The following DOCK7 variants were observed in gnomAD, a reference collection of about 807,000 sequenced individuals.
The protein encoded by DOCK7 is dedicator of cytokinesis 7.
Under a neutral mutation model 271.0 loss-of-function variants are expected in DOCK7, and 138 were observed. The ratio of observed to expected loss-of-function variants is 0.51; its 90% CI spans 0.44 to 0.59. The LOEUF is 0.59. Ranked by LOEUF, DOCK7 falls within the 20% of genes least tolerant of loss-of-function variation. The probability of loss-of-function intolerance (pLI) is 0.00; values close to 1 mark genes in which losing one functional copy is unlikely to be tolerated. For synonymous variants in DOCK7, 823 were observed against 876.1 expected, an observed-to-expected ratio of 0.94 and a Z score of 1.07; for missense variants, 2,066 against 2,592.4, an observed-to-expected ratio of 0.80 and a Z score of 4.41.
chr1:62,476,248 A>C, intron 44 of DOCK7, 92 bp from the exon 45 acceptor site: 1 of 816,288 alleles, frequency 1.2e-6, no homozygotes, highest in Non-Finnish European at 2.0e-6. Context: ...AAATTAGGAG[A>C]ATTAGTGAGT....
rs572688459 is a variant in DOCK7, at chr1:62,569,871, G to A, written c.2112+7391C>T. Among the ~76,000 whole-genome samples the A allele has an allele frequency of 5.3e-5, 8 of 152,080 alleles. No individual in the cohort carries two copies. In the East Asian group the frequency reaches 9.7e-4, roughly 18 times the overall value. On this transcript the variant is annotated intron_variant, in intron 18 of 49. Transcript: ENST00000635253. ...TGGGATTACAGGCACATGCCACCAC[G>A]TCTGGCTAATTTTTGTATCTTTAGT...
intron 31 of DOCK7, chr1:62,516,934 C>T (rs558192556): frequency 2.6e-5 from 4 of 152,526 alleles, no homozygotes; most frequent in East Asian, 3.9e-4. Flanking sequence ...TATAAGAACA[C>T]ATGTATCTTT....
chr1:62,529,355 TTA>T lies in DOCK7; in HGVS notation c.3701_3702del (p.Ile1234LysfsTer24). 1 of 1,613,874 alleles carries T rather than the reference TTA, an allele frequency of 6.2e-7. No homozygotes were observed. The highest frequency in any genetic ancestry group is 8.5e-7 in the Non-Finnish European group (1 of 1,179,932). On this transcript the variant is annotated frameshift_variant, in exon 30 of 50. Transcript: ENST00000635253. LOFTEE classifies it high-confidence loss of function. ...AGATACAACATGGCCACTCGAGCCTTTATCTGAGGGTCAGAGTACCGCGGGTC... is the reference window on the plus strand; with the variant it reads ...AGATACAACATGGCCACTCGAGCCTTTCTGAGGGTCAGAGTACCGCGGGTC... ...DSDPRYSDPQ[I>X]KARVAMLYLP... is the part of the protein sequence containing the mutation.
intron 1 of DOCK7, among the ~76,000 whole-genome samples, chr1:62,687,920 C>G (rs895128360): frequency 3.3e-5 from 5 of 152,206 alleles, no homozygotes; most frequent in Non-Finnish European, 7.3e-5. Context: ...TTCCATAAAC[C>G]TCCGCAGAAG....
intron 44 of DOCK7, 64 bp from the exon 45 acceptor site, chr1:62,476,220 G>GA: frequency 7.5e-7 from 1 of 1,338,108 alleles, no homozygotes; most frequent in Non-Finnish European, 1.0e-6. Context: ...GAGAAGGCCT[G>GA]AGGGTGACTC....
In DOCK7 at chr1:62,462,617, G is replaced by C. The variant is rs183197799; in HGVS notation, c.6213-4912C>G. On this transcript the variant is annotated intron_variant, in intron 48 of 49. Coordinates refer to ENST00000635253, the MANE Select transcript of DOCK7 (RefSeq NM_001367561.1). ...GAATGCTTTTTAAATAAGTGGTAAT[G>C]AGTCAACTGGATATCTGTAAGGGGA... Among the ~76,000 whole-genome samples, 63 of 152,240 alleles carry C rather than the reference G, an allele frequency of 4.1e-4. No homozygotes were observed. The East Asian group carries it at 0.011, about 27-fold the overall frequency.
At chr1:62,464,961 T>C (rs1368804640) in intron 48 of DOCK7, among the ~76,000 whole-genome samples, 1 of 152,216 alleles carries the variant, frequency 6.6e-6, no homozygotes, top group African/African-American at 2.4e-5. Context: ...ATGAAGATAC[T>C]AGCCTATTTT....
At chr1:62,629,719 C>T (rs1448583627) in intron 11 of DOCK7, 1 of 152,162 alleles carries the variant, frequency 6.6e-6, no homozygotes, top group Non-Finnish European at 1.5e-5. Flanking sequence ...CCTCATTTAA[C>T]ATCATGGATC....
chr1:62,523,025 A>G (rs1644897831), intron 31 of DOCK7, among the ~76,000 whole-genome samples: 2 of 152,162 alleles, frequency 1.3e-5, no homozygotes, highest in East Asian at 3.8e-4. Context: ...GAAACTAAAA[A>G]AGTTTATGTA....
Position 62,455,531 on chromosome 1 carries a change from T to C in DOCK7, c.6381-75A>G, listed in dbSNP as rs766626985. ...ATATACCTTTAAATGTCTTACATGG[T>C]TTTTTCTGCCAGTTACCTTAAAGTT... On this transcript the variant is annotated intron_variant, in intron 49 of 49. Coordinates refer to ENST00000635253, the MANE Select transcript of DOCK7 (RefSeq NM_001367561.1). 1.1e-5 allele frequency: 15 copies of C among 1,403,876 alleles called. No homozygotes were observed. The African/African-American group carries it at 1.6e-4, about 15-fold the overall frequency. 87.0% of individuals were successfully genotyped at this position (1,403,876 alleles called of 1,614,324 possible). A position where few individuals can be genotyped will look rare whatever the true frequency, so the allele number is the denominator to read the frequency against.
chr1:62,596,835 G>C (rs1649327287), intron 14 of DOCK7, among the ~76,000 whole-genome samples: 2 of 152,084 alleles, frequency 1.3e-5, no homozygotes, highest in South Asian at 4.1e-4. Context: ...ATGGTAAAGA[G>C]CCTAGAACAC....
At chr1:62,568,524 C>A (rs1646605150) in intron 18 of DOCK7, among the ~76,000 whole-genome samples, 1 of 140,860 alleles carries the variant, frequency 7.1e-6, no homozygotes, top group Non-Finnish European at 1.5e-5. Context: ...AGGCTGGTCT[C>A]AAACTCCTGA....
Position 62,539,833 on chromosome 1 carries a change from A to G in DOCK7, c.3105T>C (p.Ser1035=), listed in dbSNP as rs1157274574. The G allele has an allele frequency of 3.1e-6, 5 of 1,613,656 alleles. No homozygotes were observed. The highest frequency in any genetic ancestry group is 4.2e-6 in the Non-Finnish European group (5 of 1,179,768). ...CATCCATGAAACGTTCTGGAAAACGACTTTTCCTTGGAGCCTCAAGTTTAT... is the reference window on the plus strand; with the variant it reads ...CATCCATGAAACGTTCTGGAAAACGGCTTTTCCTTGGAGCCTCAAGTTTAT... The part of the protein sequence containing the change: ...FNDKLEAPRK[S]RFPERFMDDI... Residue 1035 remains serine (S), a synonymous_variant, in exon 26 of 50, where the codon AGT becomes AGC. Transcript: ENST00000635253.
At position 62,583,238 on chromosome 1, in the gene DOCK7, G is replaced by T; in HGVS notation, c.1817C>A (p.Ser606Tyr). 1 of 1,613,174 alleles carries T rather than the reference G, an allele frequency of 6.2e-7. No individual in the cohort carries two copies. Among genetic ancestry groups the T allele is most frequent in the African/African-American group, 1.3e-5 (1 of 75,030 alleles). Residue 606 changes from serine to tyrosine, a missense_variant, in exon 16 of 50, where the codon TCT becomes TAT. Physicochemically the swap from Ser to Tyr is moderately radical, Grantham distance 144. Transcript: ENST00000635253. Reference protein sequence around the residue: ...SNAMPVIFGKSSCSEFSKEAY... With the variant: ...SNAMPVIFGKYSCSEFSKEAY... ...TTCCTTTGAAAATTCTGAACAGCTA[G>T]ATTTACCAAAGATTACCTGAAACAA...
intron 14 of DOCK7, chr1:62,604,617 T>A: frequency 1.9e-6 from 3 of 1,612,074 alleles, no homozygotes; most frequent in African/African-American, 1.3e-5. Flanking sequence ...TTAAATTGCA[T>A]ATCTATCTCC....
intron 36 of DOCK7, 59 bp downstream of exon 36, chr1:62,505,623 T>A (rs888225750): frequency 6.5e-7 from 1 of 1,540,254 alleles, no homozygotes; most frequent in African/African-American, 1.4e-5. Flanking sequence ...CAAATGATCT[T>A]AGACAATGTT....
intron 49 of DOCK7, among the ~76,000 whole-genome samples, 185 bp from the exon 50 acceptor site, chr1:62,455,641 G>C (rs1297951126): frequency 6.6e-6 from 1 of 152,172 alleles, no homozygotes; most frequent in Non-Finnish European, 1.5e-5. Context: ...TTTAGCTATA[G>C]AAGTGTATTA....
chr1:62,631,402 T>C lies in DOCK7; in HGVS notation c.1120A>G (p.Lys374Glu), dbSNP rs776355049. 2 of 1,596,354 alleles carry C rather than the reference T, an allele frequency of 1.3e-6. No individual in the cohort carries two copies. The highest frequency in any genetic ancestry group is 1.7e-6 in the Non-Finnish European group (2 of 1,174,538). Residue 374 changes from lysine (K) to glutamate (E), a missense_variant, in exon 11 of 50, where the codon AAA becomes GAA. Transcript: ENST00000635253. ...IFKEADATKN[K>E]EKLEKLKSQA... ...CTCTTCAGTTTCTCCAGTTTTTCTT[T>C]ATTCTGCAAAACAGAACTTTATACA...
rs1023173852 is a variant in DOCK7, at chr1:62,631,473, C to G, written c.1117-68G>C. Reference sequence around the variant, plus strand: ...GAAATCAGTTAAAGGCTATTTCATACTACATAAAGGAAAAGGATGAGAAGT... The same window carrying G: ...GAAATCAGTTAAAGGCTATTTCATAGTACATAAAGGAAAAGGATGAGAAGT... On this transcript the variant is annotated intron_variant, in intron 10 of 49. Coordinates refer to ENST00000635253, the MANE Select transcript of DOCK7 (RefSeq NM_001367561.1). 4.5e-6 allele frequency: 6 copies of G among 1,339,292 alleles called. No individual in the cohort carries two copies. In the African/African-American group the frequency reaches 8.9e-5, roughly 20 times the overall value. The allele number at this position is 1,339,292 out of a possible 1,614,324, so 83.0% of individuals were successfully genotyped here.
Sources: gnomAD v4.1 joint callset for allele counts (sites outside exome capture counted in the v4.1 genomes callset) on GRCh38, gnomAD v4.1.1 for gene constraint, MANE v1.5 for transcripts, NCBI Gene and HGNC (gene_info 2026-07-23, HGNC 2026-07-21) for gene names.